The following PRKN variants were observed in gnomAD, a reference collection of about 807,000 sequenced individuals.
The protein encoded by PRKN is parkin RBR E3 ubiquitin protein ligase, also known as E3 ubiquitin-protein ligase parkin.
A neutral mutation model predicts 59.5 loss-of-function variants in PRKN; 56 were observed. The observed-to-expected ratio is 0.94, with a 90% CI of 0.76 to 1.18. The LOEUF (loss-of-function observed/expected upper bound fraction) is 1.18, where lower values mean the gene tolerates loss of function less well. Among genes scored for constraint, PRKN ranks in the 50% most tolerant of loss-of-function variants. PRKN has a pLI of 0.00. For missense variants in PRKN, 657 were observed against 596.4 expected, an observed-to-expected ratio of 1.10 and a Z score of -1.06; for synonymous variants, 250 against 222.1, an observed-to-expected ratio of 1.13 and a Z score of -1.12.
chr6:162,430,187 ATGT>A (rs986238451), intron 2 of PRKN, among the ~76,000 whole-genome samples: 2 of 151,956 alleles, frequency 1.3e-5, no homozygotes, highest in South Asian at 2.1e-4. Flanking sequence ...GATGATGATG[ATGT>A]TAAAATCACA....
intron 5 of PRKN, among the ~76,000 whole-genome samples, chr6:161,993,686 T>C (rs372880490): frequency 2.6e-5 from 4 of 152,172 alleles, no homozygotes; most frequent in East Asian, 3.8e-4. Flanking sequence ...TCGATTTGTC[T>C]TGCTATATTG....
rs201365685 is a variant in PRKN, at chr6:161,656,726, G to GT, written c.872-87311_872-87310insA. 2.0e-4 allele frequency among the ~76,000 whole-genome samples: 31 copies of GT among 152,144 alleles called. No homozygotes were observed. In the East Asian group the frequency reaches 5.8e-3, roughly 29 times the overall value. ...CTTGATCAAGTAGCTCCCACCCTTG[G>GT]CCCCTTGGTCACTCTCAACCACAGT... On this transcript the variant is annotated intron_variant, in intron 7 of 11. Transcript: ENST00000366898.
chr6:161,387,872 T>C (rs4574609), intron 9 of PRKN, among the ~76,000 whole-genome samples: 57,060 of 151,922 alleles, frequency 0.38, 10,836 homozygotes, highest in Non-Finnish European at 0.4. Flanking sequence ...CCTTACAAGA[T>C]GAGGAGATTA....
intron 1 of PRKN, among the ~76,000 whole-genome samples, chr6:162,576,420 T>A (rs753367935): frequency 1.3e-5 from 2 of 152,106 alleles, no homozygotes; most frequent in Non-Finnish European, 2.9e-5. Context: ...GAACAAGGGG[T>A]GGGCAATAGA....
intron 7 of PRKN, among the ~76,000 whole-genome samples, chr6:161,631,401 G>C (rs761491372): frequency 6.6e-6 from 1 of 152,168 alleles, no homozygotes; most frequent in Non-Finnish European, 1.5e-5. Flanking sequence ...AGTCAGACTG[G>C]TAAGAGACAA....
chr6:162,292,753 G>A (rs572399347), intron 2 of PRKN, among the ~76,000 whole-genome samples: 5 of 152,130 alleles, frequency 3.3e-5, no homozygotes, highest in Admixed American at 2.6e-4. Context: ...CAGTTCTTTC[G>A]GTAGTGATGG....
intron 4 of PRKN, among the ~76,000 whole-genome samples, chr6:162,115,351 G>C (rs181655241): frequency 2.0e-4 from 31 of 151,284 alleles, no homozygotes; most frequent in African/African-American, 7.3e-5. Flanking sequence ...GTTGTGGGGT[G>C]GGGGGAGGCG....
chr6:162,236,337 C>A (rs1168287223), intron 3 of PRKN, among the ~76,000 whole-genome samples: 1 of 152,162 alleles, frequency 6.6e-6, no homozygotes, highest in African/African-American at 2.4e-5. Context: ...TCTCTCTATC[C>A]TCAGAACCCT....
At chr6:161,790,690 A>T (rs1006784130) in intron 6 of PRKN, among the ~76,000 whole-genome samples, 13 of 152,148 alleles carry the variant, frequency 8.5e-5, no homozygotes, top group Non-Finnish European at 1.9e-4. Flanking sequence ...CAGTGCTTTG[A>T]TCTAGGACTT....
intron 2 of PRKN, among the ~76,000 whole-genome samples, chr6:162,306,461 T>C (rs1002654178): frequency 6.6e-6 from 1 of 152,110 alleles, no homozygotes; most frequent in African/African-American, 2.4e-5. Context: ...TTTCATTACA[T>C]GTTATTCTTT....
In PRKN at chr6:161,356,394, A is replaced by C. The variant is rs1784752180; in HGVS notation, c.1285+3694T>G. Reference sequence around the variant, plus strand: ...GAAGCGTCCTGGGGAGAGGAGCGGGACTGTGTGGTTGCAATGTCAGTGGGG... The same window carrying C: ...GAAGCGTCCTGGGGAGAGGAGCGGGCCTGTGTGGTTGCAATGTCAGTGGGG... On this transcript the variant is annotated intron_variant, in intron 11 of 11. Transcript: ENST00000366898. This position sits in a 1 kb window ranked among gnomAD's most constrained non-coding sequence, Gnocchi z 7.8. Among the ~76,000 whole-genome samples, 1 of 152,132 alleles carries C rather than the reference A, an allele frequency of 6.6e-6. No individual in the cohort carries two copies. The highest frequency in any genetic ancestry group is 1.5e-5 in the Non-Finnish European group (1 of 68,012).
chr6:161,540,473 T>C (rs997006552), intron 9 of PRKN, among the ~76,000 whole-genome samples: 2 of 152,156 alleles, frequency 1.3e-5, no homozygotes, highest in Non-Finnish European at 2.9e-5. Flanking sequence ...TAAAAATAAA[T>C]TGTAGTCTCA....
chr6:162,426,523 T>C (rs532125347), intron 2 of PRKN, among the ~76,000 whole-genome samples: 2 of 152,358 alleles, frequency 1.3e-5, no homozygotes, highest in South Asian at 4.1e-4. Context: ...CAATCTCGGC[T>C]CACTACAACC....
Position 161,879,534 on chromosome 6 carries a change from G to C in PRKN, c.735-93626C>G, listed in dbSNP as rs558891753. Among the ~76,000 whole-genome samples, 6 of 152,060 alleles carry C rather than the reference G, an allele frequency of 3.9e-5. No individual in the cohort carries two copies. The South Asian group carries it at 1.0e-3, about 26-fold the overall frequency. On this transcript the variant is annotated intron_variant, in intron 6 of 11. Transcript: ENST00000366898. ...GCTAACTTTTTGTATTTTGAGTAGA[G>C]ACGAGGTTTCACCGTGTTAACCAGG... is the stretch of plus-strand genomic sequence containing the variant.
At chr6:162,360,861 A>T (rs1479575405) in intron 2 of PRKN, among the ~76,000 whole-genome samples, 1 of 152,232 alleles carries the variant, frequency 6.6e-6, no homozygotes, top group Non-Finnish European at 1.5e-5. Context: ...TACTGATTAA[A>T]AATGGTAAAA....
At chr6:162,545,630 T>G (rs1779087913) in intron 1 of PRKN, among the ~76,000 whole-genome samples, 2 of 152,326 alleles carry the variant, frequency 1.3e-5, no homozygotes, top group South Asian at 4.1e-4. Context: ...TTAATGGTAT[T>G]CTAATAGTAT....
At chr6:161,509,110 C>G (rs987988547) in intron 9 of PRKN, among the ~76,000 whole-genome samples, 2 of 152,138 alleles carry the variant, frequency 1.3e-5, no homozygotes, top group Non-Finnish European at 2.9e-5. Flanking sequence ...TCCCAAAGTG[C>G]TGGGATTACA....
chr6:162,568,835 TAAGAAC>T (rs1417755518), intron 1 of PRKN: 7 of 724,522 alleles, frequency 9.7e-6, no homozygotes, highest in Non-Finnish European at 1.8e-5. Flanking sequence ...TGGAGGACTT[TAAGAAC>T]AAGTACAAGG....
intron 2 of PRKN, among the ~76,000 whole-genome samples, chr6:162,354,286 T>C (rs900974667): frequency 2.6e-5 from 4 of 152,144 alleles, no homozygotes; most frequent in Non-Finnish European, 2.9e-5. Flanking sequence ...ATAAATCCTC[T>C]GACCATTTAC....
Sources: gnomAD v4.1 joint callset for allele counts (sites outside exome capture counted in the v4.1 genomes callset) on GRCh38, gnomAD v4.1.1 for gene constraint, Gnocchi (gnomAD v3.1) non-coding constraint, MANE v1.5 for transcripts, NCBI Gene and HGNC (gene_info 2026-07-23, HGNC 2026-07-21) for gene names.